SLC30A6: variants seen among roughly 807,000 people sequenced by gnomAD.
SLC30A6 encodes zinc transporter 6.
In SLC30A6, 55 loss-of-function variants were observed where a neutral mutation model predicts 63.0. The observed-to-expected ratio is 0.87, with a 90% CI of 0.70 to 1.09. The LOEUF (loss-of-function observed/expected upper bound fraction) is 1.09. Ranked by LOEUF, SLC30A6 falls within the 50% of genes least tolerant of loss-of-function variation. SLC30A6 has a pLI of 0.00. For missense variants in SLC30A6, 587 were observed against 549.2 expected, an observed-to-expected ratio of 1.07 and a Z score of -0.69; for synonymous variants, 224 against 186.1, an observed-to-expected ratio of 1.20 and a Z score of -1.66.
intron 1 of SLC30A6, among the ~76,000 whole-genome samples, chr2:32,169,193 C>T (rs530625411): frequency 7.9e-5 from 12 of 151,738 alleles, no homozygotes; most frequent in Admixed American, 2.6e-4. Context: ...TTATTTATTT[C>T]GAGATGGGGT....
At chr2:32,167,775 AG>A (rs769582987) in intron 1 of SLC30A6, among the ~76,000 whole-genome samples, 5 of 152,240 alleles carry the variant, frequency 3.3e-5, no homozygotes, top group Non-Finnish European at 7.3e-5. Context: ...TTGAAGATAA[AG>A]GGATAAGAGA....
chr2:32,214,901 A>T (rs1402387213), intron 13 of SLC30A6, among the ~76,000 whole-genome samples: 3 of 152,238 alleles, frequency 2.0e-5, no homozygotes, highest in South Asian at 4.1e-4. Context: ...GCAAAAGAAA[A>T]GGGAAAAATC....
chr2:32,212,502 G>T (rs1685333830), intron 13 of SLC30A6, among the ~76,000 whole-genome samples: 1 of 151,346 alleles, frequency 6.6e-6, no homozygotes, highest in Non-Finnish European at 1.5e-5. Flanking sequence ...CAAATTCATG[G>T]GTCTAGAGCT....
chr2:32,220,347 C>G lies in SLC30A6; in HGVS notation c.1020C>G (p.Ala340=), dbSNP rs1487972077. ...TCAAGGATGACTGGATTAGGCCTGC[C>G]TTATTGTCTGGGCCTGTTGCAGCCA... The part of the protein sequence containing the change: ...QIFKDDWIRP[A]LLSGPVAANV... Residue 340 remains alanine (A), a synonymous_variant, in exon 14 of 14, where the codon GCC becomes GCG. Coordinates refer to ENST00000282587, the MANE Select transcript of SLC30A6 (RefSeq NM_017964.5). The G allele has an allele frequency of 1.2e-6, 2 of 1,614,068 alleles. No homozygotes were observed. The highest frequency in any genetic ancestry group is 1.7e-6 in the Non-Finnish European group (2 of 1,180,038).
At chr2:32,211,105 T>G (rs1685218735) in intron 13 of SLC30A6, among the ~76,000 whole-genome samples, 1 of 152,208 alleles carries the variant, frequency 6.6e-6, no homozygotes, top group Admixed American at 6.5e-5. Flanking sequence ...ACTGTTTTCC[T>G]TGGTAGGGTC....
At chr2:32,167,344 G>A (rs1680769273) in intron 1 of SLC30A6, among the ~76,000 whole-genome samples, 1 of 133,746 alleles carries the variant, frequency 7.5e-6, no homozygotes, top group African/African-American at 2.5e-5. Flanking sequence ...CAAAGTGCTG[G>A]GATTACAGGC....
At chr2:32,203,682 A>G (rs756671782) in intron 10 of SLC30A6, 1 of 1,552,040 alleles carries the variant, frequency 6.4e-7, no homozygotes, top group Non-Finnish European at 8.9e-7. Context: ...TCCTGAAAGG[A>G]AATGTGCGTG....
intron 13 of SLC30A6, among the ~76,000 whole-genome samples, chr2:32,212,269 G>A (rs212689): frequency 0.75 from 113,297 of 151,872 alleles, 42,530 homozygotes; most frequent in African/African-American, 0.81. Flanking sequence ...CTGATTTATG[G>A]TCTTGTTTTA....
At chr2:32,191,334 A>T (rs1257725645) in intron 5 of SLC30A6, among the ~76,000 whole-genome samples, 1 of 152,120 alleles carries the variant, frequency 6.6e-6, no homozygotes, top group African/African-American at 2.4e-5. Context: ...TTTGTTTAAC[A>T]ATATATAATG....
intron 9 of SLC30A6, 30 bp from the exon 10 acceptor site, chr2:32,197,677 T>C (rs1339591777): frequency 3.7e-6 from 6 of 1,613,478 alleles, no homozygotes; most frequent in Non-Finnish European, 5.1e-6. Flanking sequence ...GTTCTGCTAA[T>C]GGATACTCTT....
In SLC30A6 at chr2:32,221,242, C is replaced by G; in HGVS notation, c.*529C>G. ...TGGCATGATCTCAGCTCACTGCAAC[C>G]TCTGCCTCCTGAGTTCAAATGATTC... On this transcript the variant is annotated 3_prime_UTR_variant, in exon 14 of 14. Coordinates refer to ENST00000282587, the MANE Select transcript of SLC30A6 (RefSeq NM_017964.5). The G allele has an allele frequency of 1.3e-5, 2 of 159,310 alleles. No individual in the cohort carries two copies. The highest frequency in any genetic ancestry group is 1.8e-4 in the South Asian group (1 of 5,682). 9.9% of individuals were successfully genotyped at this position (159,310 alleles called of 1,614,324 possible). A position where few individuals can be genotyped will look rare whatever the true frequency, so the allele number is the denominator to read the frequency against.
At position 32,216,582 on chromosome 2, in the gene SLC30A6, T is replaced by TA. The variant is rs771956010; in HGVS notation, c.886-3629dup. 5.9e-3 allele frequency among the ~76,000 whole-genome samples: 819 copies of TA among 139,702 alleles called. 5 individuals carry two copies. Among genetic ancestry groups the TA allele is most frequent in the Middle Eastern group, 0.034 (9 of 266 alleles). The allele number at this position is 139,702 out of a possible 152,430, so 91.6% of individuals were successfully genotyped here. A position where few individuals can be genotyped will look rare whatever the true frequency, so the allele number is the denominator to read the frequency against. Reference sequence around the variant, plus strand: ...ATAAATAAATAAATAAATAAATAAATAATAATAATGATAGTAGCCATTCTG... The same window carrying TA: ...ATAAATAAATAAATAAATAAATAAATAAATAATAATGATAGTAGCCATTCTG... On this transcript the variant is annotated intron_variant, in intron 13 of 13. Transcript: ENST00000282587.
At chr2:32,209,456 A>G in intron 12 of SLC30A6, 37 bp from the exon 13 acceptor site, 1 of 1,541,984 alleles carries the variant, frequency 6.5e-7, no homozygotes, top group Non-Finnish European at 8.8e-7. Context: ...TATGTTAAGT[A>G]CAGACAACTC....
chr2:32,206,165 G>A (rs1056318075), intron 11 of SLC30A6, among the ~76,000 whole-genome samples: 1 of 151,322 alleles, frequency 6.6e-6, no homozygotes, highest in Non-Finnish European at 1.5e-5. Flanking sequence ...GGCAGTTTCC[G>A]GCCGGGCGCG....
chr2:32,206,888 A>C lies in SLC30A6; in HGVS notation c.771A>C (p.Thr257=), dbSNP rs201122071. The change falls in exon 12 of 14, where the codon ACA becomes ACC. Residue 257 remains threonine (T), a splice_region_variant and synonymous_variant. Transcript: ENST00000282587. Reference sequence around the variant, plus strand: ...TATTTTATTGTATTTTTCCCCAGACAACACCACCCCATGTTATTGGTCAGT... The same window carrying C: ...TATTTTATTGTATTTTTCCCCAGACCACACCACCCCATGTTATTGGTCAGT... The part of the protein sequence containing the change: ...SVYSGKVLLQ[T]TPPHVIGQLD... The C allele has an allele frequency of 1.4e-4, 233 of 1,611,772 alleles. 1 individual carries two copies. The East Asian group carries it at 5.2e-3, about 36-fold the overall frequency.
intron 5 of SLC30A6, among the ~76,000 whole-genome samples, chr2:32,184,701 G>A (rs1682651097): frequency 6.6e-6 from 1 of 152,130 alleles, no homozygotes; most frequent in African/African-American, 2.4e-5. Context: ...GGAGACGGAG[G>A]TTGCAGTGAG....
At chr2:32,179,168 G>A (rs1573268064) in intron 4 of SLC30A6, among the ~76,000 whole-genome samples, 1 of 152,174 alleles carries the variant, frequency 6.6e-6, no homozygotes, top group African/African-American at 2.4e-5. Flanking sequence ...CTGGAAACAG[G>A]CACTTTTATA....
chr2:32,216,407 G>A (rs965405476), intron 13 of SLC30A6, among the ~76,000 whole-genome samples: 2 of 151,962 alleles, frequency 1.3e-5, no homozygotes, highest in African/African-American at 4.8e-5. Context: ...ATGGTGGCGT[G>A]GGCCTATAAT....
At chr2:32,174,214 G>T (rs903141978) in intron 3 of SLC30A6, 67 bp downstream of exon 3, 24 of 1,183,168 alleles carry the variant, frequency 2.0e-5, no homozygotes, top group Non-Finnish European at 3.0e-5. Flanking sequence ...GGAAATAAAG[G>T]TATATCTTAC....
Sources: allele counts gnomAD v4.1 joint callset (sites outside exome capture counted in the v4.1 genomes callset), GRCh38; gene constraint gnomAD v4.1.1; transcripts MANE v1.5; gene names NCBI Gene and HGNC (gene_info 2026-07-23, HGNC 2026-07-21).